Variants in CSMD1 observed in about 807,000 individuals in gnomAD.
CSMD1 encodes CUB and Sushi multiple domains 1.
In CSMD1, 213 loss-of-function variants were observed where a neutral mutation model predicts 417.5. The ratio of observed to expected loss-of-function variants is 0.51; its 90% confidence interval spans 0.46 to 0.57. The LOEUF (loss-of-function observed/expected upper bound fraction) is 0.57, where lower values mean the gene tolerates loss of function less well. CSMD1 is among the 20% of genes least tolerant of loss of function. The probability of loss-of-function intolerance (pLI) is 0.00; values close to 1 mark genes in which losing one functional copy is unlikely to be tolerated. For synonymous variants in CSMD1, 2,862 were observed against 1,736.8 expected, an observed-to-expected ratio of 1.65 and a Z score of -16.11; for missense variants, 6,923 against 4,529.7, an observed-to-expected ratio of 1.53 and a Z score of -15.17.
chr8:4,978,588 A>G (rs532249373), intron 1 of CSMD1, among the ~76,000 whole-genome samples: 4 of 152,340 alleles, frequency 2.6e-5, no homozygotes, highest in East Asian at 3.9e-4. Flanking sequence ...AATTCACACC[A>G]TTTAAAACAC....
chr8:4,353,687 A>G (rs943200289), intron 3 of CSMD1, among the ~76,000 whole-genome samples: 10 of 152,142 alleles, frequency 6.6e-5, no homozygotes, highest in African/African-American at 1.7e-4. Context: ...CAGAATTCAC[A>G]ATCAGGCATA....
At chr8:4,444,128 G>C (rs888443150) in intron 2 of CSMD1, among the ~76,000 whole-genome samples, 1 of 151,892 alleles carries the variant, frequency 6.6e-6, no homozygotes, top group Admixed American at 6.6e-5. Context: ...GATCACTTCA[G>C]GTCAGAAATT....
intron 3 of CSMD1, among the ~76,000 whole-genome samples, chr8:4,344,594 C>A (rs962375744): frequency 6.6e-6 from 1 of 150,986 alleles, no homozygotes; most frequent in African/African-American, 2.4e-5. Flanking sequence ...GACAATGACT[C>A]GCTGGGTTAT....
chr8:3,031,186 C>T (rs1810316793), intron 50 of CSMD1, among the ~76,000 whole-genome samples: 1 of 151,646 alleles, frequency 6.6e-6, no homozygotes, highest in Admixed American at 6.6e-5. Flanking sequence ...AATCTGACTG[C>T]ATATTTCAAA....
chr8:3,459,250 C>T (rs112414947), intron 12 of CSMD1, among the ~76,000 whole-genome samples: 5 of 152,292 alleles, frequency 3.3e-5, no homozygotes, highest in African/African-American at 1.2e-4. Context: ...CACGAAGAGG[C>T]TGACTCATGG....
chr8:4,800,648 G>A (rs930894247), intron 1 of CSMD1, among the ~76,000 whole-genome samples: 2 of 152,162 alleles, frequency 1.3e-5, no homozygotes, highest in African/African-American at 2.4e-5. Context: ...ATCCCCCAGG[G>A]GGCTGTGGAG....
chr8:4,121,493 C>G (rs944239117), intron 3 of CSMD1, among the ~76,000 whole-genome samples: 13 of 152,056 alleles, frequency 8.5e-5, no homozygotes, highest in African/African-American at 3.1e-4. Context: ...TCCTATTTCT[C>G]ACTATAATAA....
intron 10 of CSMD1, among the ~76,000 whole-genome samples, chr8:3,498,088 C>G (rs1252575119): frequency 7.3e-6 from 1 of 137,094 alleles, no homozygotes; most frequent in Admixed American, 7.1e-5. Flanking sequence ...GCTGACATTT[C>G]TTCTTCTTTT....
chr8:3,401,261 T>A (rs1812023655), intron 15 of CSMD1, among the ~76,000 whole-genome samples: 1 of 152,134 alleles, frequency 6.6e-6, no homozygotes, highest in African/African-American at 2.4e-5. Context: ...GATAAGTTAT[T>A]TCTATGTGTG....
Position 3,345,806 on chromosome 8 carries a change from T to C in CSMD1, c.3474+2186A>G, listed in dbSNP as rs76529912. Among the ~76,000 whole-genome samples the C allele has an allele frequency of 5.3e-5, 8 of 152,312 alleles. No homozygotes were observed. In the South Asian group the frequency reaches 6.2e-4, roughly 12 times the overall value. On this transcript the variant is annotated intron_variant, in intron 22 of 69. Coordinates refer to ENST00000635120, the MANE Select transcript of CSMD1 (RefSeq NM_033225.6). ...CACACAGAATGCTAGCATGACAACA[T>C]TGAAAGTTCTGGGGAAATCTTTCCC...
intron 8 of CSMD1, among the ~76,000 whole-genome samples, chr8:3,609,945 G>T (rs13265211): frequency 5.3e-5 from 8 of 149,842 alleles, no homozygotes; most frequent in African/African-American, 1.7e-4. Flanking sequence ...GGGACTACGG[G>T]CGCACACCAA....
intron 3 of CSMD1, among the ~76,000 whole-genome samples, chr8:4,072,841 C>G (rs57988208): frequency 0.12 from 17,651 of 152,154 alleles, 1,212 homozygotes; most frequent in African/African-American, 0.19. Context: ...GTCTTTTCCA[C>G]TACAACAATT....
chr8:3,421,083 A>C (rs979528762), intron 12 of CSMD1, among the ~76,000 whole-genome samples: 14 of 152,196 alleles, frequency 9.2e-5, no homozygotes, highest in African/African-American at 3.4e-4. Context: ...ACGAAGCTTC[A>C]TTTGCTGATT....
intron 1 of CSMD1, among the ~76,000 whole-genome samples, chr8:4,993,579 G>T (rs912691914): frequency 6.6e-6 from 1 of 152,190 alleles, no homozygotes; most frequent in Non-Finnish European, 1.5e-5. Flanking sequence ...GCCACCCAGA[G>T]AAACTCCTTC....
chr8:3,898,377 T>C (rs1185841976), intron 5 of CSMD1, among the ~76,000 whole-genome samples: 2 of 152,162 alleles, frequency 1.3e-5, no homozygotes, highest in African/African-American at 4.8e-5. Flanking sequence ...TGATCTGTTA[T>C]GGGGAGAAAG....
At chr8:4,616,410 G>A (rs1044516743) in intron 2 of CSMD1, among the ~76,000 whole-genome samples, 8 of 152,128 alleles carry the variant, frequency 5.3e-5, no homozygotes, top group Admixed American at 2.0e-4. Flanking sequence ...CCAATATTTG[G>A]TGCATTTTAA....
At chr8:3,605,697 G>C (rs375676833) in intron 8 of CSMD1, among the ~76,000 whole-genome samples, 2 of 152,072 alleles carry the variant, frequency 1.3e-5, no homozygotes, top group Middle Eastern at 3.2e-3. Flanking sequence ...AATATGCTAA[G>C]ACAAAGAACA....
intron 26 of CSMD1, among the ~76,000 whole-genome samples, chr8:3,268,289 ATTTTTTTTTTTTT>A (rs1163842745): frequency 0.012 from 986 of 84,388 alleles, 19 homozygotes; most frequent in African/African-American, 0.041. Flanking sequence ...TTCATTTCCT[ATTTTTTTTTTTTT>A]TTTTTTTTTT....
chr8:3,586,197 G>A lies in CSMD1; in HGVS notation c.1161C>T (p.Ile387=), dbSNP rs1436476510. Residue 387 remains isoleucine, a synonymous_variant, in exon 9 of 70, where the codon ATC becomes ATT. Transcript: ENST00000635120. The part of the protein sequence containing the change: ...DNYVLQGSKS[I]TCQRVTETLA... ...GCGTCTCTGTAACTCTCTGACAGGT[G>A]ATGCTTTTAGATCCCTGGAGCACGT... The A allele has an allele frequency of 1.9e-6, 3 of 1,612,106 alleles. No individual in the cohort carries two copies. The highest frequency in any genetic ancestry group is 1.7e-5 in the Admixed American group (1 of 59,786).
Sources: allele counts gnomAD v4.1 joint callset (sites outside exome capture counted in the v4.1 genomes callset), GRCh38; gene constraint gnomAD v4.1.1; transcripts MANE v1.5; gene names NCBI Gene and HGNC (gene_info 2026-07-23, HGNC 2026-07-21).